The following LINGO2 variants were observed in gnomAD, a reference collection of about 807,000 sequenced individuals.
The protein encoded by LINGO2 is leucine rich repeat and Ig domain containing 2.
A neutral mutation model predicts 30.6 loss-of-function variants in LINGO2; 14 were observed. The observed-to-expected ratio is 0.46, with a 90% CI of 0.30 to 0.72. The LOEUF is 0.72. Ranked by LOEUF, LINGO2 falls within the 30% of genes least tolerant of loss-of-function variation. LINGO2 has a pLI of 0.07. For synonymous variants in LINGO2, 317 were observed against 288.5 expected (o/e 1.10, Z -1.00); for missense variants, 729 against 751.7 (o/e 0.97, Z 0.35).
chr9:28,574,520 T>C (rs1823860430), intron 1 of LINGO2, among the ~76,000 whole-genome samples: 1 of 152,170 alleles, frequency 6.6e-6, no homozygotes, highest in South Asian at 2.1e-4. Context: ...CTTTATGTTT[T>C]TAGTACATAG....
chr9:28,823,746 G>C, the LINGO2 span, among the ~76,000 whole-genome samples: 1 of 152,168 alleles, frequency 6.6e-6, no homozygotes, highest in Non-Finnish European at 1.5e-5. Context: ...CTTGAAAGTG[G>C]ATTGTCAGTG....
chr9:28,432,076 A>G (rs1823702138), intron 2 of LINGO2, among the ~76,000 whole-genome samples: 2 of 152,140 alleles, frequency 1.3e-5, no homozygotes, highest in African/African-American at 4.8e-5. Context: ...AATGTGCCTT[A>G]CCATACTCTA....
At chr9:29,053,095 C>A in the LINGO2 span, among the ~76,000 whole-genome samples, 1 of 151,868 alleles carries the variant, frequency 6.6e-6, no homozygotes. Flanking sequence ...TTTTGAGTGT[C>A]AGGATGTTGC....
intron 4 of LINGO2, among the ~76,000 whole-genome samples, chr9:28,107,756 C>T (rs1459159977): frequency 6.6e-6 from 1 of 152,056 alleles, no homozygotes; most frequent in East Asian, 1.9e-4. Context: ...TGGATGTTTG[C>T]TCAACCTCAT....
chr9:28,257,444 G>A (rs1245499867), intron 4 of LINGO2, among the ~76,000 whole-genome samples: 1 of 151,820 alleles, frequency 6.6e-6, no homozygotes, highest in African/African-American at 2.4e-5. Context: ...TTAAAAGATG[G>A]TCTTTAGTAA....
At chr9:28,214,041 T>C (rs1307997437) in intron 4 of LINGO2, among the ~76,000 whole-genome samples, 2 of 151,556 alleles carry the variant, frequency 1.3e-5, no homozygotes, top group African/African-American at 2.4e-5. Context: ...AGGAAATTAA[T>C]CAAAAAAATA....
At chr9:28,155,039 T>C (rs141315792) in intron 4 of LINGO2, among the ~76,000 whole-genome samples, 1,802 of 152,332 alleles carry the variant, frequency 0.012, 34 homozygotes, top group African/African-American at 0.041. Flanking sequence ...TGAAACTTGA[T>C]GTATTGGTAG....
intron 2 of LINGO2, among the ~76,000 whole-genome samples, chr9:28,415,278 T>C (rs1822921338): frequency 6.6e-6 from 1 of 152,158 alleles, no homozygotes; most frequent in Admixed American, 6.6e-5. Flanking sequence ...TCCAGGACCT[T>C]GGGTCTTTCT....
At chr9:28,187,748 C>A (rs1819593969) in intron 4 of LINGO2, among the ~76,000 whole-genome samples, 1 of 152,158 alleles carries the variant, frequency 6.6e-6, no homozygotes. Context: ...TAGGCAAATG[C>A]ATGCATACTT....
At chr9:28,486,457 T>C (rs375664920) in intron 1 of LINGO2, among the ~76,000 whole-genome samples, 2 of 152,160 alleles carry the variant, frequency 1.3e-5, no homozygotes, top group Admixed American at 6.6e-5. Context: ...AAAATGTTTA[T>C]TCCAATGAAG....
At chr9:28,263,645 C>T (rs1230058640) in intron 4 of LINGO2, among the ~76,000 whole-genome samples, 4 of 151,948 alleles carry the variant, frequency 2.6e-5, no homozygotes, top group Admixed American at 2.0e-4. Flanking sequence ...TGTGCCACCC[C>T]GCATGGAGGA....
chr9:28,432,913 G>A (rs950627417), intron 2 of LINGO2, among the ~76,000 whole-genome samples: 1 of 152,108 alleles, frequency 6.6e-6, no homozygotes, highest in Middle Eastern at 3.4e-3. Flanking sequence ...AGTAGAAAAT[G>A]AACGTTGTTA....
intron 1 of LINGO2, among the ~76,000 whole-genome samples, chr9:28,507,326 T>C (rs945404289): frequency 2.6e-5 from 4 of 152,090 alleles, no homozygotes; most frequent in African/African-American, 7.2e-5. Context: ...GAGAAAAAGA[T>C]ACTTTGCTCA....
chr9:27,943,178 G>C (rs1372064018), downstream of LINGO2: 2 of 152,240 alleles, frequency 1.3e-5, no homozygotes, highest in East Asian at 3.9e-4. Flanking sequence ...ATTTAGAATA[G>C]GAGGTGTGCA....
the LINGO2 span, among the ~76,000 whole-genome samples, chr9:28,803,203 A>G: frequency 2.6e-5 from 4 of 151,996 alleles, no homozygotes; most frequent in African/African-American, 9.7e-5. Context: ...CTTAACTTCT[A>G]AATCAGATTA....
At chr9:29,084,202 G>T in the LINGO2 span, among the ~76,000 whole-genome samples, 1 of 151,956 alleles carries the variant, frequency 6.6e-6, no homozygotes, top group Admixed American at 6.6e-5. Flanking sequence ...AAAAAAATGT[G>T]GTTGAAATTT....
At chr9:28,577,431 C>T (rs1824044226) in intron 1 of LINGO2, among the ~76,000 whole-genome samples, 1 of 152,112 alleles carries the variant, frequency 6.6e-6, no homozygotes, top group African/African-American at 2.4e-5. Flanking sequence ...CCATTTTCCA[C>T]ACCCTTATGA....
At chr9:28,767,822 G>C in the LINGO2 span, among the ~76,000 whole-genome samples, 2 of 147,810 alleles carry the variant, frequency 1.4e-5, no homozygotes, top group Non-Finnish European at 3.0e-5. Flanking sequence ...ATGCCTTTTA[G>C]GTTTCTTTTC....
chr9:29,083,447 G>A, the LINGO2 span, among the ~76,000 whole-genome samples: 1 of 152,032 alleles, frequency 6.6e-6, no homozygotes, highest in Non-Finnish European at 1.5e-5. Flanking sequence ...GTGAGGGAGG[G>A]GGGATGGATA....
Sources: allele counts gnomAD v4.1 joint callset (sites outside exome capture counted in the v4.1 genomes callset), GRCh38; gene constraint gnomAD v4.1.1; transcripts MANE v1.5; gene names NCBI Gene and HGNC (gene_info 2026-07-23, HGNC 2026-07-21).